Variants in REM1 observed in about 807,000 individuals in gnomAD.
REM1 encodes RRAD and GEM like GTPase 1.
A neutral mutation model predicts 27.0 loss-of-function variants in REM1; 20 were observed. The observed-to-expected ratio is 0.74, with a 90% CI of 0.52 to 1.08. The LOEUF (loss-of-function observed/expected upper bound fraction) is 1.08, where lower values mean the gene tolerates loss of function less well. Among genes scored for constraint, REM1 ranks in the 50% least tolerant of loss-of-function variants. REM1 has a pLI of 0.00. For synonymous variants in REM1, 159 were observed against 167.9 expected (o/e 0.95, Z 0.41); for missense variants, 405 against 407.0 (o/e 1.00, Z 0.04).
At chr20:31,481,093 G>C (rs989318606) in intron 3 of REM1, among the ~76,000 whole-genome samples, 1 of 152,072 alleles carries the variant, frequency 6.6e-6, no homozygotes, top group South Asian at 2.1e-4. Flanking sequence ...CCAATATCGT[G>C]AAACCCCGTC....
rs1980516343 is a variant in REM1 at position 31,476,636 on chromosome 20, A to C, written c.191A>C (p.Asp64Ala). ...ACCCAGAAACCTTCACCTGCCCCAG[A>C]TGATTGGTCTTCTGAATCCAGCGAC... Reference protein sequence around the residue: ...PPTQKPSPAPDDWSSESSDSE... With the variant: ...PPTQKPSPAPADWSSESSDSE... Residue 64 changes from aspartate to alanine, a missense_variant, in exon 2 of 5, where the codon GAT (aspartate) becomes GCT (alanine). Transcript: ENST00000201979. 6.2e-7 allele frequency: 1 copy of C among 1,613,762 alleles called. No homozygotes were observed. The highest frequency in any genetic ancestry group is 1.3e-5 in the African/African-American group (1 of 74,848).
intron 4 of REM1, 60 bp downstream of exon 4, chr20:31,482,548 C>T: frequency 6.6e-7 from 1 of 1,509,434 alleles, no homozygotes; most frequent in Non-Finnish European, 9.1e-7. Flanking sequence ...GGCTGCTCCT[C>T]CAGCGCTCTT....
intron 3 of REM1, among the ~76,000 whole-genome samples, chr20:31,480,815 A>T (rs571086234): frequency 6.6e-5 from 10 of 152,250 alleles, no homozygotes; most frequent in African/African-American, 2.4e-4. Context: ...ACCTGTCCAT[A>T]CTCAAGGTTG....
chr20:31,476,819 C>A, intron 2 of REM1, 34 bp downstream of exon 2: 1 of 1,540,018 alleles, frequency 6.5e-7, no homozygotes, highest in Non-Finnish European at 8.7e-7. Context: ...GGGATGTGGC[C>A]AAAGGAGCGA....
intron 3 of REM1, among the ~76,000 whole-genome samples, chr20:31,479,364 G>C (rs570932610): frequency 4.6e-5 from 7 of 152,234 alleles, no homozygotes; most frequent in Admixed American, 4.6e-4. Context: ...CTGGTTAGAG[G>C]GTCTACTTTT....
rs1247096216 is a variant in REM1, at chr20:31,476,559, C to T, written c.114C>T (p.Ser38=). The change falls in exon 2 of 5, where the codon TCC becomes TCT. Residue 38 remains serine (S), a synonymous_variant. Transcript: ENST00000201979. ...CTGGCCGCCTGAGCACAGTGCCTTCCACTCAATCCCAGCATCCCCGGCTGG... is the reference window on the plus strand; with the variant it reads ...CTGGCCGCCTGAGCACAGTGCCTTCTACTCAATCCCAGCATCCCCGGCTGG... The part of the protein sequence containing the change: ...HQPGRLSTVP[S]TQSQHPRLGQ... The T allele has an allele frequency of 1.9e-6, 3 of 1,614,208 alleles. No homozygotes were observed. The highest frequency in any genetic ancestry group is 2.5e-6 in the Non-Finnish European group (3 of 1,180,016).
intron 3 of REM1, among the ~76,000 whole-genome samples, chr20:31,479,173 C>T (rs577234301): frequency 6.6e-6 from 1 of 152,304 alleles, no homozygotes; most frequent in South Asian, 2.1e-4. Context: ...CATAAGAGTC[C>T]TCGTCTTATG....
At chr20:31,480,608 C>A (rs1980699052) in intron 3 of REM1, among the ~76,000 whole-genome samples, 1 of 152,186 alleles carries the variant, frequency 6.6e-6, no homozygotes, top group Admixed American at 6.5e-5. Context: ...CAAGCATAAG[C>A]CACCATGCCC....
intron 4 of REM1, among the ~76,000 whole-genome samples, chr20:31,483,004 T>TA (rs946146722): frequency 6.6e-6 from 1 of 151,728 alleles, no homozygotes; most frequent in Non-Finnish European, 1.5e-5. Context: ...GCTCTTTTTT[T>TA]AAAAAAAAAT....
chr20:31,483,512 G>A (rs1179037063), intron 4 of REM1, among the ~76,000 whole-genome samples: 1 of 152,130 alleles, frequency 6.6e-6, no homozygotes, highest in Admixed American at 6.5e-5. Context: ...TTGTCAACCA[G>A]TAACTACAAA....
chr20:31,476,638 G>A lies in REM1; in HGVS notation c.193G>A (p.Asp65Asn), dbSNP rs575287565. ...PTQKPSPAPD[D>N]WSSESSDSEG... Reference sequence around the variant, plus strand: ...CCAGAAACCTTCACCTGCCCCAGATGATTGGTCTTCTGAATCCAGCGACTC... The same window carrying A: ...CCAGAAACCTTCACCTGCCCCAGATAATTGGTCTTCTGAATCCAGCGACTC... The change falls in exon 2 of 5, where the codon GAT becomes AAT. Residue 65 changes from aspartate (D) to asparagine (N), a missense_variant. Coordinates refer to ENST00000201979, the MANE Select transcript of REM1 (RefSeq NM_014012.6). 6.2e-7 allele frequency: 1 copy of A among 1,614,008 alleles called. No homozygotes were observed. The highest frequency in any genetic ancestry group is 2.2e-5 in the East Asian group (1 of 44,856).
intron 4 of REM1, among the ~76,000 whole-genome samples, chr20:31,483,713 C>T (rs1012886932): frequency 1.3e-5 from 2 of 148,334 alleles, no homozygotes; most frequent in African/African-American, 2.5e-5. Flanking sequence ...CCCCTGAGGA[C>T]TAGAACTCGG....
chr20:31,479,961 T>C (rs1036118912), intron 3 of REM1, among the ~76,000 whole-genome samples: 12 of 152,192 alleles, frequency 7.9e-5, no homozygotes, highest in East Asian at 1.9e-4. Flanking sequence ...TGGTGGTGCA[T>C]GCCTGTAATC....
At position 31,484,232 on chromosome 20, in the gene REM1, C is replaced by G; in HGVS notation, c.699C>G (p.Ala233=). The G allele has an allele frequency of 1.9e-6, 3 of 1,607,558 alleles. No homozygotes were observed. The highest frequency in any genetic ancestry group is 2.5e-6 in the Non-Finnish European group (3 of 1,178,010). ...CCGCCACGCTGCAGCACAATGTGGC[C>G]GAGCTCTTCGAGGGCGTGGTGCGCC... ...ETSATLQHNV[A]ELFEGVVRQL... Residue 233 remains alanine, a synonymous_variant, in exon 5 of 5, where the codon GCC becomes GCG. Transcript: ENST00000201979.
At chr20:31,479,981 C>G (rs536912076) in intron 3 of REM1, among the ~76,000 whole-genome samples, 2 of 152,038 alleles carry the variant, frequency 1.3e-5, no homozygotes, top group Non-Finnish European at 2.9e-5. Context: ...CCCAGCTACT[C>G]AGGAGGCTAA....
chr20:31,480,098 T>A (rs570043725), intron 3 of REM1, among the ~76,000 whole-genome samples: 139 of 151,580 alleles, frequency 9.2e-4, no homozygotes, highest in African/African-American at 2.8e-3. Flanking sequence ...TCAAAAAAAA[T>A]AAATAAATAA....
At chr20:31,481,782 C>T (rs1299276730) in intron 3 of REM1, among the ~76,000 whole-genome samples, 3 of 152,190 alleles carry the variant, frequency 2.0e-5, no homozygotes, top group Non-Finnish European at 4.4e-5. Context: ...TGTGAACTTA[C>T]ACTTTACAGT....
chr20:31,484,498 G>C lies in REM1; in HGVS notation c.*68G>C. On this transcript the variant is annotated 3_prime_UTR_variant, in exon 5 of 5. Transcript: ENST00000201979. ...TTCTGGGCTCCAGGGACGCCACTGC[G>C]GGGCAAAGGCGCCGTTACCTGGAGT... 1 of 1,424,156 alleles carries C rather than the reference G, an allele frequency of 7.0e-7. No individual in the cohort carries two copies. Among genetic ancestry groups the C allele is most frequent in the Non-Finnish European group, 9.2e-7 (1 of 1,086,756 alleles). 88.2% of individuals were successfully genotyped at this position (1,424,156 alleles called of 1,614,324 possible). A position where few individuals can be genotyped will look rare whatever the true frequency, so the allele number is the denominator to read the frequency against.
rs757000852 is a variant in REM1, at chr20:31,476,690, G to T, written c.245G>T (p.Arg82Leu). 3 of 1,614,114 alleles carry T rather than the reference G, an allele frequency of 1.9e-6. No individual in the cohort carries two copies. Among genetic ancestry groups the T allele is most frequent in the South Asian group, 2.2e-5 (2 of 91,076 alleles). Residue 82 changes from arginine (R) to leucine (L), a missense_variant, in exon 2 of 5, where the codon CGT becomes CTT. Coordinates refer to ENST00000201979, the MANE Select transcript of REM1 (RefSeq NM_014012.6). ...DSEGSWEALY[R>L]VVLLGDPGVG... ...GAAGGCTCCTGGGAGGCTCTCTACC[G>T]TGTGGTGCTACTTGGAGATCCTGGA... is the stretch of plus-strand genomic sequence containing the variant.
Sources: allele counts gnomAD v4.1 joint callset (sites outside exome capture counted in the v4.1 genomes callset), GRCh38; gene constraint gnomAD v4.1.1; transcripts MANE v1.5; gene names NCBI Gene and HGNC (gene_info 2026-07-23, HGNC 2026-07-21).